Variants in CACNA1D observed in about 807,000 individuals in gnomAD.
The protein encoded by CACNA1D is voltage-dependent L-type calcium channel subunit alpha-1D.
Under a neutral mutation model 257.1 loss-of-function variants are expected in CACNA1D, and 55 were observed. The ratio of observed to expected loss-of-function variants is 0.21; its 90% CI spans 0.17 to 0.27. The LOEUF (loss-of-function observed/expected upper bound fraction) is 0.27, where lower values mean the gene tolerates loss of function less well. Among genes scored for constraint, CACNA1D ranks in the 10% least tolerant of loss-of-function variants. The probability of loss-of-function intolerance (pLI) is 1.00; values close to 1 mark genes in which losing one functional copy is unlikely to be tolerated. For synonymous variants in CACNA1D, 980 were observed against 1,014.9 expected, an observed-to-expected ratio of 0.97 and a Z score of 0.65; for missense variants, 1,876 against 2,784.0, an observed-to-expected ratio of 0.67 and a Z score of 7.34.
intron 8 of CACNA1D, among the ~76,000 whole-genome samples, chr3:53,693,461 A>ATT (rs10576296): frequency 1.4e-3 from 198 of 142,494 alleles, no homozygotes; most frequent in Non-Finnish European, 1.9e-3. Flanking sequence ...CATTGCTGTT[A>ATT]TTTTTTTTTT....
chr3:53,555,460 G>GGTT (rs1553725645), intron 3 of CACNA1D, among the ~76,000 whole-genome samples: 3 of 78,370 alleles, frequency 3.8e-5, no homozygotes, highest in Non-Finnish European at 7.1e-5. Flanking sequence ...GTGTGTGTGT[G>GGTT]TTTTTTTTTT....
At chr3:53,682,566 AAAG>A (rs553322187) in intron 8 of CACNA1D, among the ~76,000 whole-genome samples, 130 of 150,950 alleles carry the variant, frequency 8.6e-4, no homozygotes, top group African/African-American at 2.6e-3. Context: ...TAAAAAAAAA[AAAG>A]AAGAAGAAGA....
rs898410 is a variant in CACNA1D at position 53,723,024 on chromosome 3, G to T, written c.1667-410G>T. On this transcript the variant is annotated intron_variant, in intron 12 of 47. Transcript: ENST00000350061. This position sits in a 1 kb window ranked among gnomAD's most constrained non-coding sequence, Gnocchi z 5.6. ...TTGATAGGTGACTGCTTCTGATATC[G>T]TCATGCCATAAATGAATTCAGACAG... Among the ~76,000 whole-genome samples, 2 of 152,032 alleles carry T rather than the reference G, an allele frequency of 1.3e-5. No individual in the cohort carries two copies. The highest frequency in any genetic ancestry group is 1.5e-5 in the Non-Finnish European group (1 of 68,012).
At position 53,780,170 on chromosome 3, in the gene CACNA1D, G is replaced by A. The variant is rs1829423; in HGVS notation, c.4690+42G>A. 958,783 of 1,463,276 alleles carry A rather than the reference G, an allele frequency of 0.66. 318,775 individuals carry two copies. The highest frequency in any genetic ancestry group is 0.71 in the Middle Eastern group (3,996 of 5,656). The allele number at this position is 1,463,276 out of a possible 1,614,324, so 90.6% of individuals were successfully genotyped here. The stretch of plus-strand genomic sequence containing the variant: ...AGCAAGACAAGATGGCAGGAAAGGA[G>A]AGAGACATCACATCCCATCTTGCCT... On this transcript the variant is annotated intron_variant, in intron 38 of 47. Coordinates refer to ENST00000350061, the MANE Select transcript of CACNA1D (RefSeq NM_001128840.3).
rs1203676162 is a variant in CACNA1D, at chr3:53,495,254, C to A, written c.67+21C>A. On this transcript the variant is annotated intron_variant, in intron 1 of 47. Coordinates refer to ENST00000350061, the MANE Select transcript of CACNA1D (RefSeq NM_001128840.3). The surrounding 1 kb of genome is among the most constrained non-coding windows in gnomAD (Gnocchi z 5.1). ...GAACGGTGAGCAGCCAGAGCCCGGG[C>A]ACCCGCTGCCAAATCCGATCCTGTC... is the stretch of plus-strand genomic sequence containing the variant. The A allele has an allele frequency of 6.8e-6, 11 of 1,613,254 alleles. No homozygotes were observed. Among genetic ancestry groups the A allele is most frequent in the Non-Finnish European group, 9.3e-6 (11 of 1,179,954 alleles).
intron 3 of CACNA1D, among the ~76,000 whole-genome samples, chr3:53,637,952 A>G (rs1359970940): frequency 2.0e-5 from 3 of 152,240 alleles, no homozygotes; most frequent in Non-Finnish European, 4.4e-5. Context: ...GCTGTGTCTT[A>G]ATTATAGACT....
chr3:53,719,896 A>G (rs2094863745), intron 11 of CACNA1D, 115 bp downstream of exon 11: 7 of 955,198 alleles, frequency 7.3e-6, no homozygotes, highest in Admixed American at 5.1e-5. Flanking sequence ...GGATTATAAC[A>G]TTGATACTGA....
At chr3:53,587,675 C>T (rs553113624) in intron 3 of CACNA1D, among the ~76,000 whole-genome samples, 97 of 152,232 alleles carry the variant, frequency 6.4e-4, no homozygotes, top group African/African-American at 2.1e-3. Context: ...GTGATTCTTT[C>T]GTCTTTCCCG....
intron 3 of CACNA1D, among the ~76,000 whole-genome samples, chr3:53,616,524 G>T (rs571735727): frequency 1.3e-5 from 2 of 152,272 alleles, no homozygotes; most frequent in South Asian, 4.2e-4. Context: ...CAGACTTAAC[G>T]AGGAGACAAC....
At chr3:53,757,419 G>A (rs761797735) in intron 29 of CACNA1D, among the ~76,000 whole-genome samples, 5 of 152,088 alleles carry the variant, frequency 3.3e-5, no homozygotes, top group Middle Eastern at 3.2e-3. Context: ...ATGCCAGAGC[G>A]TCAGTGGCCG....
At chr3:53,519,923 C>G (rs2091485188) in intron 3 of CACNA1D, among the ~76,000 whole-genome samples, 1 of 152,058 alleles carries the variant, frequency 6.6e-6, no homozygotes, top group South Asian at 2.1e-4. Flanking sequence ...GTCCTTTTTG[C>G]CTGGCTTAGC....
chr3:53,613,470 T>A (rs2093604208), intron 3 of CACNA1D, among the ~76,000 whole-genome samples: 1 of 152,218 alleles, frequency 6.6e-6, no homozygotes, highest in South Asian at 2.1e-4. Context: ...CATCTGACTC[T>A]GTGACTTGGG....
intron 30 of CACNA1D, among the ~76,000 whole-genome samples, chr3:53,769,307 G>A (rs1233404178): frequency 6.6e-6 from 1 of 152,218 alleles, no homozygotes; most frequent in Non-Finnish European, 1.5e-5. Flanking sequence ...GTCCTCCACT[G>A]TTTCTTCCAA....
chr3:53,712,827 G>A (rs1230536069), intron 9 of CACNA1D, among the ~76,000 whole-genome samples: 2 of 152,194 alleles, frequency 1.3e-5, no homozygotes, highest in Non-Finnish European at 2.9e-5. Context: ...AGAGGAGTGA[G>A]GCTCTGAGGC....
At chr3:53,674,725 C>G (rs2094357341) in intron 8 of CACNA1D, among the ~76,000 whole-genome samples, 1 of 152,174 alleles carries the variant, frequency 6.6e-6, no homozygotes. Flanking sequence ...CTGTATGGCT[C>G]TCTCACAATC....
chr3:53,718,178 G>A (rs1307480734), intron 9 of CACNA1D, 123 bp from the exon 10 acceptor site: 1 of 809,396 alleles, frequency 1.2e-6, no homozygotes, highest in East Asian at 2.5e-5. Flanking sequence ...AGGCCCTGAG[G>A]GCCCTTTTCA....
chr3:53,705,181 G>A (rs2094673616), intron 9 of CACNA1D, among the ~76,000 whole-genome samples: 1 of 152,164 alleles, frequency 6.6e-6, no homozygotes, highest in African/African-American at 2.4e-5. Flanking sequence ...GCCCAGGAGG[G>A]CGCGATGATT....
At chr3:53,805,320 T>C (rs1309122813) in intron 45 of CACNA1D, 174 bp downstream of exon 45, 1 of 646,360 alleles carries the variant, frequency 1.5e-6, no homozygotes, top group Non-Finnish European at 2.7e-6. Flanking sequence ...CTCATCCATA[T>C]CTCACGTGAT....
chr3:53,653,995 TAGAG>T (rs1448449651), intron 4 of CACNA1D, among the ~76,000 whole-genome samples: 2 of 152,082 alleles, frequency 1.3e-5, no homozygotes, highest in African/African-American at 2.4e-5. Flanking sequence ...CAGAAGACAA[TAGAG>T]AGACATCTTT....
Sources: gnomAD v4.1 joint callset for allele counts (sites outside exome capture counted in the v4.1 genomes callset) on GRCh38, gnomAD v4.1.1 for gene constraint, Gnocchi (gnomAD v3.1) non-coding constraint, MANE v1.5 for transcripts, NCBI Gene and HGNC (gene_info 2026-07-23, HGNC 2026-07-21) for gene names.